Variants in OVCH2 observed in about 807,000 individuals in gnomAD.
The protein encoded by OVCH2 is ovochymase 2.
In OVCH2, 88 loss-of-function variants were observed where a neutral mutation model predicts 73.7. That is an observed-to-expected ratio of 1.19 (90% CI 1.01 to 1.43). The LOEUF (loss-of-function observed/expected upper bound fraction) is 1.43, where lower values mean the gene tolerates loss of function less well. OVCH2 is among the 40% of genes most tolerant of loss of function. The probability of loss-of-function intolerance (pLI) is 0.00; values close to 1 mark genes in which losing one functional copy is unlikely to be tolerated. For synonymous variants in OVCH2, 265 were observed against 234.5 expected, an observed-to-expected ratio of 1.13 and a Z score of -1.19; for missense variants, 706 against 674.5, an observed-to-expected ratio of 1.05 and a Z score of -0.52.
intron 5 of OVCH2, 91 bp downstream of exon 5, chr11:7,701,624 GA>G (rs5789540): frequency 0.75 from 1,112,197 of 1,486,112 alleles, 418,829 homozygotes; most frequent in South Asian, 0.77. Context: ...ATGCACAATC[GA>G]TTTTTAAAAA....
At chr11:7,685,751 T>G (rs1856135888), downstream of OVCH2, among the ~76,000 whole-genome samples, 1 of 152,068 alleles carries the variant, frequency 6.6e-6, no homozygotes, top group South Asian at 2.1e-4. Context: ...GGGATGCCCT[T>G]GAAGGCAAGG....
At chr11:7,679,022 A>G in the OVCH2 span, among the ~76,000 whole-genome samples, 1 of 152,200 alleles carries the variant, frequency 6.6e-6, no homozygotes, top group Non-Finnish European at 1.5e-5. Flanking sequence ...TAAGTGTTTA[A>G]TCTTGAAAAT....
At chr11:7,681,865 A>AG in the OVCH2 span, among the ~76,000 whole-genome samples, 5 of 151,678 alleles carry the variant, frequency 3.3e-5, no homozygotes, top group Admixed American at 6.6e-5. Flanking sequence ...AAAAAAAAAA[A>AG]AAAAAAAGAA....
intron 8 of OVCH2, among the ~76,000 whole-genome samples, chr11:7,697,808 G>T (rs78006568): frequency 0.04 from 6,061 of 152,040 alleles, 165 homozygotes; most frequent in Middle Eastern, 0.12. Flanking sequence ...ATACGTCCAT[G>T]CATTTGTCCC....
At chr11:7,699,074 CATAACT>C (rs1856387794) in intron 7 of OVCH2, 1 of 298,518 alleles carries the variant, frequency 3.3e-6, no homozygotes, top group Non-Finnish European at 6.3e-6. Flanking sequence ...ATAGTTTGTC[CATAACT>C]ATAAAAGAGT....
chr11:7,694,139 C>T (rs762876715), intron 12 of OVCH2, among the ~76,000 whole-genome samples: 1 of 152,150 alleles, frequency 6.6e-6, no homozygotes. Context: ...TTCTCTCCAT[C>T]GTACACTGTC....
chr11:7,685,051 T>C (rs1287743545), downstream of OVCH2, among the ~76,000 whole-genome samples: 1 of 151,948 alleles, frequency 6.6e-6, no homozygotes, highest in African/African-American at 2.4e-5. Flanking sequence ...TCATGGAGGG[T>C]AACACAAAGC....
In OVCH2 at chr11:7,702,230, A is replaced by G. The variant is rs1399036192; in HGVS notation, c.390T>C (p.His130=). 2 of 1,613,116 alleles carry G rather than the reference A, an allele frequency of 1.2e-6. No individual in the cohort carries two copies. Among genetic ancestry groups the G allele is most frequent in the African/African-American group, 1.3e-5 (1 of 75,014 alleles). Residue 130 remains histidine (H), a synonymous_variant, in exon 4 of 16, where the codon CAT becomes CAC. Coordinates refer to ENST00000533663, the MANE Select transcript of OVCH2 (RefSeq NM_198185.7). ...TTGGTTTCTTGGTGGAGAAATGTGG[A>G]TGTATGATGACAGTTTCAATAGTGA... ...QTLTIETVII[H]PHFSTKKPMD...
chr11:7,679,914 G>A, the OVCH2 span, among the ~76,000 whole-genome samples: 2 of 152,182 alleles, frequency 1.3e-5, no homozygotes, highest in Non-Finnish European at 2.9e-5. Flanking sequence ...AGCTGAACAC[G>A]TGGAGGTCCC....
chr11:7,679,529 A>G, the OVCH2 span, among the ~76,000 whole-genome samples: 1 of 152,162 alleles, frequency 6.6e-6, no homozygotes, highest in Non-Finnish European at 1.5e-5. Context: ...TGATGGTTTC[A>G]TAGGTGTTTG....
intron 12 of OVCH2, 70 bp from the exon 13 acceptor site, chr11:7,692,065 A>T: frequency 8.7e-7 from 1 of 1,153,278 alleles, no homozygotes; most frequent in South Asian, 1.3e-5. Flanking sequence ...TTCAGCAGAG[A>T]AATTTGGATT....
Position 7,706,419 on chromosome 11 carries a change from AAATTTT to A in OVCH2, c.-31_-26del. On this transcript the variant is annotated 5_prime_UTR_variant, in exon 1 of 16. Coordinates refer to ENST00000533663, the MANE Select transcript of OVCH2 (RefSeq NM_198185.7). ...TTTTGAGACTCATAGTTTTTCCCTG[AAATTTT>A]AGAGAGACTAAAGCAAACAAAAATA... 6.4e-7 allele frequency: 1 copy of A among 1,551,084 alleles called. No homozygotes were observed. The highest frequency in any genetic ancestry group is 8.7e-7 in the Non-Finnish European group (1 of 1,147,654).
intron 12 of OVCH2, among the ~76,000 whole-genome samples, chr11:7,692,268 G>A (rs1447631737): frequency 4.6e-5 from 7 of 152,186 alleles, no homozygotes; most frequent in Non-Finnish European, 1.0e-4. Context: ...GAGATTAGGA[G>A]AGCTACCGCA....
chr11:7,701,296 G>T, intron 6 of OVCH2, 28 bp downstream of exon 6: 1 of 1,578,498 alleles, frequency 6.3e-7, no homozygotes, highest in Non-Finnish European at 8.6e-7. Flanking sequence ...CTTGCCTGGG[G>T]CCTGACAGCC....
chr11:7,703,588 C>T (rs1258441102), intron 3 of OVCH2, 110 bp downstream of exon 3: 3 of 862,108 alleles, frequency 3.5e-6, no homozygotes, highest in South Asian at 1.9e-5. Context: ...ATCTGTTAAA[C>T]CAATACTCAC....
chr11:7,688,566 A>T (rs1410899022), downstream of OVCH2, among the ~76,000 whole-genome samples: 1 of 152,186 alleles, frequency 6.6e-6, no homozygotes. Context: ...ATCCCTTCTT[A>T]TGAAAATGAA....
At chr11:7,706,191 C>A (rs994045465) in intron 1 of OVCH2, 116 bp downstream of exon 1, 57 of 1,092,872 alleles carry the variant, frequency 5.2e-5, no homozygotes, top group Non-Finnish European at 3.7e-5. Flanking sequence ...AATTAGATAT[C>A]CAAAATATAT....
chr11:7,698,822 C>A (rs567095797), intron 7 of OVCH2, 49 bp from the exon 8 acceptor site: 1 of 1,592,266 alleles, frequency 6.3e-7, no homozygotes, highest in Non-Finnish European at 8.6e-7. Flanking sequence ...GTATCCTGAA[C>A]AACGCTTCAA....
the OVCH2 span, among the ~76,000 whole-genome samples, chr11:7,679,405 T>G: frequency 6.6e-6 from 1 of 152,146 alleles, no homozygotes; most frequent in Admixed American, 6.5e-5. Context: ...CCACCCAAAT[T>G]TCATCTTGAA....
Sources: gnomAD v4.1 joint callset for allele counts (sites outside exome capture counted in the v4.1 genomes callset) on GRCh38, gnomAD v4.1.1 for gene constraint, MANE v1.5 for transcripts, NCBI Gene and HGNC (gene_info 2026-07-23, HGNC 2026-07-21) for gene names.